Variants in SLC35F4 observed in about 807,000 individuals in gnomAD.
The protein encoded by SLC35F4 is chromosome 14 open reading frame 36.
Under a neutral mutation model 44.2 loss-of-function variants are expected in SLC35F4, and 24 were observed. That is an observed-to-expected ratio of 0.54 (90% CI 0.39 to 0.76). SLC35F4 has a LOEUF of 0.76. Ranked by LOEUF, SLC35F4 falls within the 30% of genes least tolerant of loss-of-function variation. The pLI is 0.00. For missense variants in SLC35F4, 562 were observed against 586.1 expected (o/e 0.96, Z 0.42); for synonymous variants, 238 against 223.6 (o/e 1.06, Z -0.57).
At chr14:57,937,064 C>CTTTTTTT (rs11458039) in intron 1 of SLC35F4, among the ~76,000 whole-genome samples, 3 of 144,216 alleles carry the variant, frequency 2.1e-5, no homozygotes, top group Non-Finnish European at 3.0e-5. Context: ...ATTTTACCTG[C>CTTTTTTT]TTTTTTTTTT....
chr14:57,775,250 A>C lies in SLC35F4; in HGVS notation c.103+90473T>G, dbSNP rs77802291. On this transcript the variant is annotated intron_variant, in intron 1 of 7. Coordinates refer to ENST00000556826, the MANE Select transcript of SLC35F4 (RefSeq NM_001306087.2). ...CTGGGAACACCTGCATGGAGGCCAG[A>C]ACCCCAGCACCCACTAGCACCCTGC... Among the ~76,000 whole-genome samples the C allele has an allele frequency of 6.0e-3, 907 of 152,296 alleles. 8 individuals carry two copies. The highest frequency in any genetic ancestry group is 0.021 in the African/African-American group (858 of 41,566).
intron 1 of SLC35F4, among the ~76,000 whole-genome samples, chr14:57,611,349 T>C (rs1248641816): frequency 6.6e-6 from 1 of 152,112 alleles, no homozygotes; most frequent in African/African-American, 2.4e-5. Context: ...GGATTGGTCA[T>C]ATGAAGTTGG....
rs1884914840 is a variant in SLC35F4 at position 57,836,309 on chromosome 14, GATTT to G, written c.103+29410_103+29413del. 2.0e-5 allele frequency among the ~76,000 whole-genome samples: 3 copies of G among 151,916 alleles called. No individual in the cohort carries two copies. The South Asian group carries it at 6.3e-4, about 32-fold the overall frequency. On this transcript the variant is annotated intron_variant, in intron 1 of 7. Transcript: ENST00000556826. The stretch of plus-strand genomic sequence containing the variant: ...TATTTTATTGATTGATTGATTGATT[GATTT>G]GAGATGGAGTCTCGCTGTCACCAGG...
chr14:57,601,194 CTTAT>C lies in SLC35F4; in HGVS notation c.104-7074_104-7071del, dbSNP rs536616600. The stretch of plus-strand genomic sequence containing the variant: ...ATTTTAAAAGTTTTTTCAAGACTTG[CTTAT>C]TATCTTATTATAAATAATAATTATA... On this transcript the variant is annotated intron_variant, in intron 1 of 7. Transcript: ENST00000556826. Among the ~76,000 whole-genome samples the C allele has an allele frequency of 3.3e-5, 5 of 151,626 alleles. No individual in the cohort carries two copies. In the East Asian group the frequency reaches 7.7e-4, roughly 23 times the overall value.
chr14:57,946,139 T>C (rs1890021943), intron 1 of SLC35F4, among the ~76,000 whole-genome samples: 1 of 152,186 alleles, frequency 6.6e-6, no homozygotes, highest in South Asian at 2.1e-4. Flanking sequence ...TAAGGTTCCA[T>C]CTATTTATTT....
intron 1 of SLC35F4, among the ~76,000 whole-genome samples, chr14:57,896,874 G>C (rs1888883467): frequency 1.3e-5 from 2 of 152,044 alleles, no homozygotes; most frequent in Non-Finnish European, 2.9e-5. Context: ...TCCCAGCATG[G>C]GATTTGGGAA....
At chr14:57,905,342 T>C (rs1027537900) in intron 1 of SLC35F4, among the ~76,000 whole-genome samples, 2 of 152,224 alleles carry the variant, frequency 1.3e-5, no homozygotes, top group Non-Finnish European at 2.9e-5. Context: ...CAATGTCTTA[T>C]ATGATCTAGC....
chr14:57,814,799 C>T (rs1882376281), intron 1 of SLC35F4, among the ~76,000 whole-genome samples: 1 of 152,142 alleles, frequency 6.6e-6, no homozygotes, highest in Admixed American at 6.5e-5. Flanking sequence ...GAATGTGATG[C>T]AGCGAACATA....
At chr14:57,699,445 C>G (rs1205881444) in intron 1 of SLC35F4, among the ~76,000 whole-genome samples, 5 of 152,146 alleles carry the variant, frequency 3.3e-5, no homozygotes, top group African/African-American at 9.6e-5. Context: ...TAAATACAAC[C>G]AAACCCAAGA....
intron 4 of SLC35F4, 71 bp downstream of exon 4, chr14:57,581,143 G>C: frequency 7.1e-7 from 1 of 1,406,306 alleles, no homozygotes; most frequent in Non-Finnish European, 9.4e-7. Context: ...AAACAAAGCA[G>C]ACAGGCTCTC....
At chr14:57,759,609 CTT>C (rs2077075295) in intron 1 of SLC35F4, among the ~76,000 whole-genome samples, 2 of 152,218 alleles carry the variant, frequency 1.3e-5, no homozygotes, top group Non-Finnish European at 2.9e-5. Context: ...ACTGTATACT[CTT>C]TTACATAGTG....
chr14:57,628,885 C>T (rs868540154), intron 1 of SLC35F4, among the ~76,000 whole-genome samples: 20 of 151,914 alleles, frequency 1.3e-4, no homozygotes, highest in Non-Finnish European at 1.5e-4. Context: ...CAATTGTATA[C>T]GTAGAAATCA....
At chr14:57,656,098 C>A (rs1225745295) in intron 1 of SLC35F4, among the ~76,000 whole-genome samples, 1 of 152,108 alleles carries the variant, frequency 6.6e-6, no homozygotes, top group Non-Finnish European at 1.5e-5. Context: ...CCAGCACAGA[C>A]TGCCCTCGGC....
At chr14:57,935,952 G>C (rs1035462252) in intron 1 of SLC35F4, among the ~76,000 whole-genome samples, 9 of 152,262 alleles carry the variant, frequency 5.9e-5, no homozygotes, top group African/African-American at 2.2e-4. Context: ...ATTTGTACTT[G>C]GAATAGACAT....
intron 7 of SLC35F4, among the ~76,000 whole-genome samples, chr14:57,564,874 C>T (rs268818): frequency 0.62 from 94,008 of 152,010 alleles, 29,202 homozygotes; most frequent in Admixed American, 0.69. Context: ...AAAATAAAAG[C>T]CCATACCCAT....
chr14:57,843,706 C>T (rs1026119335), intron 1 of SLC35F4, among the ~76,000 whole-genome samples: 3 of 152,084 alleles, frequency 2.0e-5, no homozygotes, highest in African/African-American at 7.2e-5. Context: ...GTTTTCAGAA[C>T]ATTTATCTTA....
intron 1 of SLC35F4, among the ~76,000 whole-genome samples, chr14:57,749,359 A>G (rs2076830595): frequency 6.6e-6 from 1 of 152,146 alleles, no homozygotes; most frequent in Non-Finnish European, 1.5e-5. Flanking sequence ...TTTCATAGCA[A>G]TTTGACATTA....
chr14:57,842,695 T>C (rs946263496), intron 1 of SLC35F4, among the ~76,000 whole-genome samples: 1 of 152,078 alleles, frequency 6.6e-6, no homozygotes, highest in African/African-American at 2.4e-5. Flanking sequence ...GCTCAAAGGC[T>C]TGAAATTCTT....
chr14:57,711,323 A>G (rs2075813295), intron 1 of SLC35F4, among the ~76,000 whole-genome samples: 1 of 152,142 alleles, frequency 6.6e-6, no homozygotes, highest in Non-Finnish European at 1.5e-5. Context: ...CAGAACTGTG[A>G]GTCAATTAAG....
Sources: allele counts gnomAD v4.1 joint callset (sites outside exome capture counted in the v4.1 genomes callset), GRCh38; gene constraint gnomAD v4.1.1; transcripts MANE v1.5; gene names NCBI Gene and HGNC (gene_info 2026-07-23, HGNC 2026-07-21).